SFMBT2: variants seen among roughly 807,000 people sequenced by gnomAD.
The protein encoded by SFMBT2 is Scm like with four mbt domains 2.
A neutral mutation model predicts 110.1 loss-of-function variants in SFMBT2; 38 were observed. The ratio of observed to expected loss-of-function variants is 0.35; its 90% CI spans 0.27 to 0.45. The LOEUF is 0.45. Among genes scored for constraint, SFMBT2 ranks in the 20% least tolerant of loss-of-function variants. The probability of loss-of-function intolerance (pLI) is 1.00; values close to 1 mark genes in which losing one functional copy is unlikely to be tolerated. For missense variants in SFMBT2, 1,011 were observed against 1,094.9 expected (o/e 0.92, Z 1.08); for synonymous variants, 425 against 425.4 (o/e 1.00, Z 0.01).
At chr10:7,266,040 C>G (rs767593967) in intron 7 of SFMBT2, among the ~76,000 whole-genome samples, 2 of 151,242 alleles carry the variant, frequency 1.3e-5, no homozygotes, top group African/African-American at 2.4e-5. Context: ...ACCAGGATAG[C>G]AGGGAGAGTG....
Position 7,272,544 on chromosome 10 carries a change from C to A in SFMBT2, c.870+4348G>T, listed in dbSNP as rs572574898. Among the ~76,000 whole-genome samples the A allele has an allele frequency of 8.5e-5, 13 of 152,282 alleles. 1 individual carries two copies. In the South Asian group the frequency reaches 2.7e-3, roughly 32 times the overall value. On this transcript the variant is annotated intron_variant, in intron 7 of 20. Transcript: ENST00000397167. ...AGAGGCAGTTAGACGCCCCCCACAG[C>A]CTCCCTGATCCCTGTCTCAGCCTTC... is the stretch of plus-strand genomic sequence containing the variant.
intron 4 of SFMBT2, among the ~76,000 whole-genome samples, chr10:7,305,706 A>T (rs1191284672): frequency 1.3e-5 from 2 of 152,206 alleles, no homozygotes; most frequent in African/African-American, 4.8e-5. Flanking sequence ...GCAAAGGTCT[A>T]CCCTTTCGGG....
chr10:7,367,999 C>T lies in SFMBT2; in HGVS notation c.196-110G>A. 7.1e-7 allele frequency: 1 copy of T among 1,416,898 alleles called. No individual in the cohort carries two copies. 87.8% of individuals were successfully genotyped at this position (1,416,898 alleles called of 1,614,324 possible). ...GCACTTACAAACAATATTCCTGTTGCTCTAAAACAGGCATGTATTTATCTA... is the reference window on the plus strand; with the variant it reads ...GCACTTACAAACAATATTCCTGTTGTTCTAAAACAGGCATGTATTTATCTA... On this transcript the variant is annotated intron_variant, in intron 3 of 20. Coordinates refer to ENST00000397167, the MANE Select transcript of SFMBT2 (RefSeq NM_001387889.1). This position sits in a 1 kb window ranked among gnomAD's most constrained non-coding sequence, Gnocchi z 6.2.
chr10:7,163,975 A>T lies in SFMBT2; in HGVS notation c.2545-65T>A, dbSNP rs1284718292. 8.5e-6 allele frequency: 13 copies of T among 1,534,704 alleles called. No homozygotes were observed. The highest frequency in any genetic ancestry group is 1.1e-5 in the Non-Finnish European group (13 of 1,139,672). ...GCACTGGGGTACACAGATGCGTCAC[A>T]GCAGGCTCCAGTCCGGGGCCAAACA... On this transcript the variant is annotated intron_variant, in intron 20 of 20. Transcript: ENST00000397167. This position sits in a 1 kb window ranked among gnomAD's most constrained non-coding sequence, Gnocchi z 4.8.
intron 4 of SFMBT2, among the ~76,000 whole-genome samples, chr10:7,337,217 TGG>T (rs1402019488): frequency 6.6e-6 from 1 of 152,184 alleles, no homozygotes; most frequent in Admixed American, 6.5e-5. Context: ...ACTAAACGTA[TGG>T]ATATCTGTTC....
chr10:7,164,083 T>C, intron 20 of SFMBT2, 173 bp from the exon 21 acceptor site: 2 of 985,442 alleles, frequency 2.0e-6, no homozygotes, highest in African/African-American at 1.7e-5. Flanking sequence ...GTCTAATCTT[T>C]GTGTTACTAA....
At position 7,243,607 on chromosome 10, in the gene SFMBT2, C is replaced by T. The variant is rs1564401900; in HGVS notation, c.1071G>A (p.Leu357=). 1 of 872,898 alleles carries T rather than the reference C, an allele frequency of 1.1e-6. No individual in the cohort carries two copies. Among genetic ancestry groups the T allele is most frequent in the Non-Finnish European group, 2.0e-6 (1 of 501,684 alleles). 54.1% of individuals were successfully genotyped at this position (872,898 alleles called of 1,614,324 possible). ...MLCHADSLGI[L]PVQWCLKNGV... is the part of the protein sequence containing the mutation. Reference sequence around the variant, plus strand: ...CATTTTTAAGGCACCACTGTACTGGCAAAATCCCCAAAGAATCTGCATGGC... The same window carrying T: ...CATTTTTAAGGCACCACTGTACTGGTAAAATCCCCAAAGAATCTGCATGGC... The change falls in exon 9 of 21, where the codon TTG becomes TTA. Residue 357 remains leucine (L), a synonymous_variant. Coordinates refer to ENST00000397167, the MANE Select transcript of SFMBT2 (RefSeq NM_001387889.1).
intron 7 of SFMBT2, among the ~76,000 whole-genome samples, chr10:7,260,273 C>G (rs544269357): frequency 3.2e-4 from 48 of 152,300 alleles, no homozygotes; most frequent in African/African-American, 1.1e-3. Flanking sequence ...AAACCCTACT[C>G]GACCTGGTAT....
chr10:7,167,653 A>G (rs1837732175), intron 20 of SFMBT2, among the ~76,000 whole-genome samples: 1 of 152,178 alleles, frequency 6.6e-6, no homozygotes, highest in African/African-American at 2.4e-5. Context: ...CGATGAACCA[A>G]TTAGTAAAAA....
intron 16 of SFMBT2, among the ~76,000 whole-genome samples, chr10:7,179,956 T>C (rs1838195484): frequency 6.6e-6 from 1 of 152,070 alleles, no homozygotes; most frequent in South Asian, 2.1e-4. Context: ...TCCTGAACAA[T>C]TCTGTTTAGA....
intron 9 of SFMBT2, among the ~76,000 whole-genome samples, chr10:7,238,542 A>G (rs982474446): frequency 6.6e-6 from 1 of 152,178 alleles, no homozygotes; most frequent in Non-Finnish European, 1.5e-5. Context: ...TTCTTTAGGA[A>G]AAGAGAATAC....
chr10:7,182,662 A>T (rs1343366994), intron 16 of SFMBT2, among the ~76,000 whole-genome samples: 2 of 146,996 alleles, frequency 1.4e-5, no homozygotes, highest in Non-Finnish European at 3.0e-5. Context: ...GTGGGAATTG[A>T]ACAATGAGAA....
At chr10:7,264,478 C>T (rs1841321286) in intron 7 of SFMBT2, among the ~76,000 whole-genome samples, 2 of 152,140 alleles carry the variant, frequency 1.3e-5, no homozygotes. Context: ...AGATGCAGTA[C>T]AAGCCTCAGT....
At chr10:7,174,798 A>G (rs1428735324) in intron 17 of SFMBT2, among the ~76,000 whole-genome samples, 1 of 152,212 alleles carries the variant, frequency 6.6e-6, no homozygotes, top group Non-Finnish European at 1.5e-5. Flanking sequence ...ATGGAGAAAC[A>G]AGCTCTTCCG....
At chr10:7,268,424 A>G (rs528473897) in intron 7 of SFMBT2, among the ~76,000 whole-genome samples, 1 of 152,332 alleles carries the variant, frequency 6.6e-6, no homozygotes, top group South Asian at 2.1e-4. Flanking sequence ...GCTTGAGTGG[A>G]CATTGGGATA....
At chr10:7,234,708 G>A (rs977865118) in intron 9 of SFMBT2, among the ~76,000 whole-genome samples, 1 of 152,108 alleles carries the variant, frequency 6.6e-6, no homozygotes, top group Non-Finnish European at 1.5e-5. Flanking sequence ...TCTCCCTACA[G>A]ATATCAGATG....
At chr10:7,384,682 A>G (rs4083552) in intron 1 of SFMBT2, among the ~76,000 whole-genome samples, 32,164 of 152,100 alleles carry the variant, frequency 0.21, 3,834 homozygotes, top group South Asian at 0.43. Flanking sequence ...AACGGAGGAC[A>G]TTGGTAAACT....
chr10:7,218,353 C>T (rs1400517626), intron 11 of SFMBT2, among the ~76,000 whole-genome samples: 1 of 152,040 alleles, frequency 6.6e-6, no homozygotes, highest in Admixed American at 6.5e-5. Flanking sequence ...TCAGTAAGGG[C>T]CAAAATCAAA....
intron 16 of SFMBT2, among the ~76,000 whole-genome samples, chr10:7,179,201 G>A (rs1347371470): frequency 6.6e-6 from 1 of 151,944 alleles, no homozygotes; most frequent in African/African-American, 2.4e-5. Context: ...GACTTTCCAT[G>A]TAGTGAGAAC....
Sources: allele counts gnomAD v4.1 joint callset (sites outside exome capture counted in the v4.1 genomes callset), GRCh38; gene constraint gnomAD v4.1.1; non-coding constraint Gnocchi (gnomAD v3.1); transcripts MANE v1.5; gene names NCBI Gene and HGNC (gene_info 2026-07-23, HGNC 2026-07-21).